The following AFAP1 variants were observed in gnomAD, a reference collection of about 807,000 sequenced individuals.
AFAP1 encodes actin filament associated protein 1.
AFAP1 carries 75 observed loss-of-function variants against 93.9 expected under a neutral mutation model. The observed-to-expected ratio is 0.80, with a 90% confidence interval of 0.66 to 0.97. The LOEUF is 0.97. AFAP1 is among the 50% of genes least tolerant of loss of function. The pLI is 0.00. For synonymous variants in AFAP1, 517 were observed against 430.7 expected, an observed-to-expected ratio of 1.20 and a Z score of -2.48; for missense variants, 1,201 against 1,050.8, an observed-to-expected ratio of 1.14 and a Z score of -1.98.
intron 4 of AFAP1, among the ~76,000 whole-genome samples, chr4:7,855,259 A>G (rs925592540): frequency 1.3e-5 from 2 of 152,258 alleles, no homozygotes; most frequent in Non-Finnish European, 2.9e-5. Context: ...CAAGGAAGAC[A>G]GCAATCGGAA....
intron 10 of AFAP1, among the ~76,000 whole-genome samples, chr4:7,796,677 G>C (rs1718445893): frequency 6.6e-6 from 1 of 151,348 alleles, no homozygotes; most frequent in Admixed American, 6.6e-5. Context: ...CGTGAACCCG[G>C]GAGACGGAGC....
Position 7,763,610 on chromosome 4 carries a change from G to C in AFAP1, c.*155C>G, listed in dbSNP as rs1218717554. 5.4e-6 allele frequency: 4 copies of C among 738,484 alleles called. No individual in the cohort carries two copies. Among genetic ancestry groups the C allele is most frequent in the African/African-American group, 3.6e-5 (2 of 55,850 alleles). 45.7% of individuals were successfully genotyped at this position (738,484 alleles called of 1,614,324 possible). On this transcript the variant is annotated 3_prime_UTR_variant, in exon 18 of 18. Coordinates refer to ENST00000420658, the MANE Select transcript of AFAP1 (RefSeq NM_001134647.2). ...TTTACAGTAGAAAGAATACAAGTGG[G>C]CCTGGGGGACAGGCACTGGCCTCAG...
chr4:7,918,666 C>T (rs1467890896), intron 1 of AFAP1, among the ~76,000 whole-genome samples: 5 of 101,774 alleles, frequency 4.9e-5, no homozygotes, highest in African/African-American at 7.8e-5. Flanking sequence ...CCAGGTCACC[C>T]GCAAACAGGG....
intron 1 of AFAP1, among the ~76,000 whole-genome samples, chr4:7,888,237 A>G (rs956745005): frequency 6.6e-6 from 1 of 152,338 alleles, no homozygotes; most frequent in East Asian, 1.9e-4. Flanking sequence ...AATCTACAGA[A>G]AGGACATTAT....
chr4:7,781,615 C>T lies in AFAP1; in HGVS notation c.1543G>A (p.Asp515Asn), dbSNP rs1366877649. 1.7e-5 allele frequency: 26 copies of T among 1,551,690 alleles called. No homozygotes were observed. Among genetic ancestry groups the T allele is most frequent in the Non-Finnish European group, 2.3e-5 (26 of 1,147,020 alleles). The change falls in exon 13 of 18, where the codon GAC becomes AAC. Residue 515 changes from aspartate (D) to asparagine (N), a missense_variant. Physicochemically the swap from Asp to Asn is conservative, Grantham distance 23. Coordinates refer to ENST00000420658, the MANE Select transcript of AFAP1 (RefSeq NM_001134647.2). ...CTGCTGCAGGAAGCAGGAAAGCCGTCTTCCGGTTCCCACTGCAACACACAT... is the reference window on the plus strand; with the variant it reads ...CTGCTGCAGGAAGCAGGAAAGCCGTTTTCCGGTTCCCACTGCAACACACAT... ...PCINGSWEPE[D>N]GFPASCSRGL...
chr4:7,792,219 G>C (rs1457912688), intron 11 of AFAP1, among the ~76,000 whole-genome samples: 2 of 152,172 alleles, frequency 1.3e-5, no homozygotes, highest in East Asian at 3.9e-4. Context: ...AACTGCCATG[G>C]AGTCGGAAAG....
chr4:7,901,590 C>T (rs979643279), intron 1 of AFAP1, among the ~76,000 whole-genome samples: 4 of 152,104 alleles, frequency 2.6e-5, no homozygotes, highest in African/African-American at 7.2e-5. Context: ...GTGAGAGAAC[C>T]GCACAGGAGG....
chr4:7,851,747 C>G (rs1185413696), intron 4 of AFAP1, among the ~76,000 whole-genome samples: 2 of 152,340 alleles, frequency 1.3e-5, no homozygotes, highest in East Asian at 3.9e-4. Context: ...CTGCCAACAG[C>G]AGACGGCAAC....
chr4:7,768,687 G>C (rs1714966601), intron 17 of AFAP1, among the ~76,000 whole-genome samples, 157 bp downstream of exon 17: 1 of 152,196 alleles, frequency 6.6e-6, no homozygotes, highest in South Asian at 2.1e-4. Context: ...GGGGTGGTGA[G>C]AACTCGATAA....
chr4:7,768,707 C>T (rs991091159), intron 17 of AFAP1, 137 bp downstream of exon 17: 1 of 1,123,328 alleles, frequency 8.9e-7, no homozygotes, highest in Non-Finnish European at 1.2e-6. Flanking sequence ...AGCACCCATT[C>T]CCAGATGTCT....
Position 7,815,904 on chromosome 4 carries a change from T to A in AFAP1, c.904+114A>T, listed in dbSNP as rs537652985. The A allele has an allele frequency of 3.3e-6, 3 of 919,492 alleles. No individual in the cohort carries two copies. In the South Asian group the frequency reaches 4.9e-5, roughly 15 times the overall value. 57.0% of individuals were successfully genotyped at this position (919,492 alleles called of 1,614,324 possible). A position where few individuals can be genotyped will look rare whatever the true frequency, so the allele number is the denominator to read the frequency against. On this transcript the variant is annotated intron_variant, in intron 8 of 17. Transcript: ENST00000420658. ...CTGCCATGATGACGATATCTACACATCTGAATCACCCAGGACATTTTTCGT... is the reference window on the plus strand; with the variant it reads ...CTGCCATGATGACGATATCTACACAACTGAATCACCCAGGACATTTTTCGT...
chr4:7,838,562 C>T lies in AFAP1; in HGVS notation c.688G>A (p.Ala230Thr), dbSNP rs375644801. 1.8e-5 allele frequency: 29 copies of T among 1,613,906 alleles called. No individual in the cohort carries two copies. The highest frequency in any genetic ancestry group is 2.4e-5 in the Non-Finnish European group (28 of 1,179,980). ...TQQGTDPLVL[A>T]VQSKEQAEQW... ...TCGGCCTGTTCCTTGCTCTGGACGG[C>T]GAGAACAAGCGGGTCCGTGCCCTGC... The change falls in exon 6 of 18, where the codon GCC becomes ACC. Residue 230 changes from alanine to threonine, a missense_variant. Ala to Thr is a moderately conservative substitution (Grantham distance 58). Transcript: ENST00000420658.
At position 7,760,165 on chromosome 4, in the gene AFAP1, G is replaced by T. The variant is rs1269304470; in HGVS notation, c.*3600C>A. 3 of 152,184 alleles carry T rather than the reference G, an allele frequency of 2.0e-5. No homozygotes were observed. Among genetic ancestry groups the T allele is most frequent in the Non-Finnish European group, 4.4e-5 (3 of 68,028 alleles). The allele number at this position is 152,184 out of a possible 1,614,324, so 9.4% of individuals were successfully genotyped here. ...GACAATGAACCTCAAACTCCTTCCT[G>T]GGGGTGGCCTCCAGAGCTGAGGCCA... On this transcript the variant is annotated 3_prime_UTR_variant, in exon 18 of 18. Coordinates refer to ENST00000420658, the MANE Select transcript of AFAP1 (RefSeq NM_001134647.2).
At chr4:7,915,206 C>T (rs73214041) in intron 1 of AFAP1, among the ~76,000 whole-genome samples, 4 of 149,888 alleles carry the variant, frequency 2.7e-5, no homozygotes, top group Middle Eastern at 6.9e-3. Context: ...TACATTCCCC[C>T]CTACGGTGCG....
chr4:7,840,910 T>A (rs1026198167), intron 5 of AFAP1, among the ~76,000 whole-genome samples: 21 of 152,316 alleles, frequency 1.4e-4, no homozygotes, highest in African/African-American at 4.8e-4. Context: ...GGGTACAGAG[T>A]GATGCTTTGA....
At chr4:7,769,195 G>A (rs2148951491) in intron 16 of AFAP1, among the ~76,000 whole-genome samples, 187 bp from the exon 17 acceptor site, 1 of 152,342 alleles carries the variant, frequency 6.6e-6, no homozygotes, top group South Asian at 2.1e-4. Flanking sequence ...TTCACGGCCG[G>A]GGGGCAGAGG....
At position 7,939,800 on chromosome 4, in the gene AFAP1, C is replaced by T. The variant is rs571591885; in HGVS notation, c.-147G>A. The T allele has an allele frequency of 2.3e-4, 77 of 336,176 alleles. No homozygotes were observed. The highest frequency in any genetic ancestry group is 1.6e-3 in the African/African-American group (71 of 43,620). 20.8% of individuals were successfully genotyped at this position (336,176 alleles called of 1,614,324 possible). A position where few individuals can be genotyped will look rare whatever the true frequency, so the allele number is the denominator to read the frequency against. On this transcript the variant is annotated 5_prime_UTR_variant, in exon 1 of 18. Transcript: ENST00000420658. The surrounding 1 kb of genome is among the most constrained non-coding windows in gnomAD (Gnocchi z 5.6). ...CGCCGCCGCCTCAGCCCGTGTACCCCGCTCGAGATCCGGCTCGGCTCGCGG... is the reference window on the plus strand; with the variant it reads ...CGCCGCCGCCTCAGCCCGTGTACCCTGCTCGAGATCCGGCTCGGCTCGCGG...
intron 4 of AFAP1, among the ~76,000 whole-genome samples, chr4:7,845,825 G>C (rs149838388): frequency 6.6e-6 from 1 of 152,080 alleles, no homozygotes. Context: ...ACTGGATACC[G>C]GGGCCCAGAG....
At chr4:7,837,488 G>C (rs187111895) in intron 6 of AFAP1, among the ~76,000 whole-genome samples, 144 of 152,280 alleles carry the variant, frequency 9.5e-4, no homozygotes, top group African/African-American at 3.3e-3. Flanking sequence ...GAATAGAACG[G>C]TCCCTTGATC....
Sources: gnomAD v4.1 joint callset for allele counts (sites outside exome capture counted in the v4.1 genomes callset) on GRCh38, gnomAD v4.1.1 for gene constraint, Gnocchi (gnomAD v3.1) non-coding constraint, MANE v1.5 for transcripts, NCBI Gene and HGNC (gene_info 2026-07-23, HGNC 2026-07-21) for gene names.